Variants in FGF12 observed in about 807,000 individuals in gnomAD.
The protein encoded by FGF12 is fibroblast growth factor 12.
FGF12 carries 14 observed loss-of-function variants against 23.6 expected under a neutral mutation model. That is an observed-to-expected ratio of 0.59 (90% CI 0.39 to 0.93). FGF12 has a LOEUF of 0.93. Ranked by LOEUF, FGF12 falls within the 40% of genes least tolerant of loss-of-function variation. FGF12 has a pLI of 0.00. For synonymous variants in FGF12, 62 were observed against 77.3 expected (o/e 0.80, Z 1.04); for missense variants, 175 against 217.8 (o/e 0.80, Z 1.24).
chr3:192,223,499 C>T (rs1195233420), intron 4 of FGF12, among the ~76,000 whole-genome samples: 2 of 152,162 alleles, frequency 1.3e-5, no homozygotes, highest in Non-Finnish European at 2.9e-5. Context: ...CGTGGCTCCT[C>T]AGATAATATG....
chr3:192,327,726 G>GT (rs1449032195), intron 4 of FGF12, among the ~76,000 whole-genome samples: 1 of 151,936 alleles, frequency 6.6e-6, no homozygotes, highest in African/African-American at 2.4e-5. Context: ...TTGAGGAAGG[G>GT]TTTTGCTCTA....
chr3:192,720,891 T>C (rs571699783), intron 2 of FGF12, among the ~76,000 whole-genome samples: 33 of 152,342 alleles, frequency 2.2e-4, no homozygotes, highest in African/African-American at 7.5e-4. Context: ...CTGGTGGTTC[T>C]GAGATGTACC....
Position 192,707,991 on chromosome 3 carries a change from G to T in FGF12, c.13+19190C>A, listed in dbSNP as rs903106514. Among the ~76,000 whole-genome samples, 3 of 151,874 alleles carry T rather than the reference G, an allele frequency of 2.0e-5. No individual in the cohort carries two copies. In the East Asian group the frequency reaches 5.8e-4, roughly 29 times the overall value. On this transcript the variant is annotated intron_variant, in intron 2 of 5. Coordinates refer to ENST00000445105, the MANE Select transcript of FGF12 (RefSeq NM_004113.6). ...TTATTTATTTTTGAGACGGAGTCTC[G>T]CTCTGTCACCCAGGCTGGAGTGCTG...
chr3:192,197,682 C>T (rs188933836), intron 4 of FGF12, among the ~76,000 whole-genome samples: 479 of 152,180 alleles, frequency 3.1e-3, no homozygotes, highest in Non-Finnish European at 5.3e-3. Context: ...TGGTGGCTCA[C>T]GCCTATAATC....
intron 2 of FGF12, among the ~76,000 whole-genome samples, chr3:192,685,834 T>C (rs913259907): frequency 2.6e-5 from 4 of 152,178 alleles, no homozygotes; most frequent in African/African-American, 9.7e-5. Flanking sequence ...GACAATAGTA[T>C]TTTAAGGTTG....
rs990172371 is a variant in FGF12, at chr3:192,409,140, G to C, written c.14-48602C>G. ...AAGCACCCCTCGGGGAGAAACCAGC[G>C]AGAGGCGATCTGCGGGGTCCCAAGA... On this transcript the variant is annotated intron_variant, in intron 2 of 5. Coordinates refer to ENST00000445105, the MANE Select transcript of FGF12 (RefSeq NM_004113.6). This position sits in a 1 kb window ranked among gnomAD's most constrained non-coding sequence, Gnocchi z 4.8. 1 of 260,106 alleles carries C rather than the reference G, an allele frequency of 3.8e-6. No individual in the cohort carries two copies. Among genetic ancestry groups the C allele is most frequent in the Non-Finnish European group, 6.0e-6 (1 of 166,448 alleles). The allele number at this position is 260,106 out of a possible 1,614,324, so 16.1% of individuals were successfully genotyped here.
intron 4 of FGF12, among the ~76,000 whole-genome samples, chr3:192,220,740 T>C (rs540747638): frequency 2.6e-5 from 4 of 152,316 alleles, no homozygotes; most frequent in East Asian, 1.9e-4. Flanking sequence ...CTGGTAAATA[T>C]TGGTTCATTG....
At chr3:192,193,208 T>C (rs1440537374) in intron 4 of FGF12, among the ~76,000 whole-genome samples, 1 of 152,214 alleles carries the variant, frequency 6.6e-6, no homozygotes, top group East Asian at 1.9e-4. Flanking sequence ...CTGGTCTCGC[T>C]TGCCTTGCTC....
At chr3:192,214,262 G>A (rs756521240) in intron 4 of FGF12, among the ~76,000 whole-genome samples, 1 of 152,200 alleles carries the variant, frequency 6.6e-6, no homozygotes, top group Non-Finnish European at 1.5e-5. Context: ...TTCAGAGCCA[G>A]AAAAGGCAAG....
At chr3:192,716,791 C>G (rs192102737) in intron 2 of FGF12, among the ~76,000 whole-genome samples, 1 of 152,238 alleles carries the variant, frequency 6.6e-6, no homozygotes, top group Non-Finnish European at 1.5e-5. Context: ...AATTAGGAAG[C>G]AAGGATACAG....
At chr3:192,711,137 A>G (rs988692776) in intron 2 of FGF12, among the ~76,000 whole-genome samples, 9 of 152,266 alleles carry the variant, frequency 5.9e-5, no homozygotes, top group African/African-American at 2.2e-4. Flanking sequence ...AATCTCTAAC[A>G]TGAAAGATAG....
At chr3:192,413,382 T>C (rs1721255514) in intron 2 of FGF12, among the ~76,000 whole-genome samples, 1 of 152,176 alleles carries the variant, frequency 6.6e-6, no homozygotes, top group South Asian at 2.1e-4. Context: ...AGCTGTATGC[T>C]GTTGGACACG....
chr3:192,374,697 T>C (rs1719392687), intron 2 of FGF12, among the ~76,000 whole-genome samples: 1 of 152,138 alleles, frequency 6.6e-6, no homozygotes, highest in Non-Finnish European at 1.5e-5. Context: ...ATTTTTTTTC[T>C]CATTTTATAG....
chr3:192,158,427 C>CTCT (rs563113309), intron 5 of FGF12, among the ~76,000 whole-genome samples: 18,861 of 127,002 alleles, frequency 0.15, 1,992 homozygotes, highest in Admixed American at 0.21. Flanking sequence ...CTTTCTTTTT[C>CTCT]TTTTTTCTTT....
intron 4 of FGF12, among the ~76,000 whole-genome samples, chr3:192,190,294 TTA>T (rs1331366958): frequency 1.1e-4 from 17 of 152,066 alleles, no homozygotes; most frequent in Non-Finnish European, 2.1e-4. Context: ...CAAAAATTCC[TTA>T]TGTTTCAAAA....
Position 192,331,898 on chromosome 3 carries a change from A to G in FGF12, c.228+3463T>C, listed in dbSNP as rs76844481. Among the ~76,000 whole-genome samples, 1,004 of 152,200 alleles carry G rather than the reference A, an allele frequency of 6.6e-3. 11 individuals are homozygous for G. Among genetic ancestry groups the G allele is most frequent in the African/African-American group, 0.022 (932 of 41,554 alleles). Reference sequence around the variant, plus strand: ...ATATTGGTCTACTCAGAATTGTATAACTACCTTAACTGCAATTCAAGAATG... The same window carrying G: ...ATATTGGTCTACTCAGAATTGTATAGCTACCTTAACTGCAATTCAAGAATG... On this transcript the variant is annotated intron_variant, in intron 4 of 5. Transcript: ENST00000445105.
chr3:192,304,270 A>G (rs1411738086), intron 4 of FGF12, among the ~76,000 whole-genome samples: 1 of 152,110 alleles, frequency 6.6e-6, no homozygotes, highest in African/African-American at 2.4e-5. Flanking sequence ...TGCATGCTAG[A>G]GATTATTTCC....
intron 2 of FGF12, among the ~76,000 whole-genome samples, chr3:192,666,565 T>G (rs956346908): frequency 6.6e-6 from 1 of 152,196 alleles, no homozygotes; most frequent in Non-Finnish European, 1.5e-5. Flanking sequence ...ACAGGGACCA[T>G]AGTCTGGCTG....
chr3:192,656,763 C>A (rs1560183969), intron 2 of FGF12, among the ~76,000 whole-genome samples: 1 of 152,182 alleles, frequency 6.6e-6, no homozygotes, highest in Admixed American at 6.5e-5. Flanking sequence ...AAGAAAACAC[C>A]TAGCAGTGTA....
Sources: gnomAD v4.1 joint callset for allele counts (sites outside exome capture counted in the v4.1 genomes callset) on GRCh38, gnomAD v4.1.1 for gene constraint, Gnocchi (gnomAD v3.1) non-coding constraint, MANE v1.5 for transcripts, NCBI Gene and HGNC (gene_info 2026-07-23, HGNC 2026-07-21) for gene names.